The following EYS variants were observed in gnomAD, a reference collection of about 807,000 sequenced individuals.
The protein encoded by EYS is EGF-like photoreceptor maintenance factor, also known as protein eyes shut homolog.
Under a neutral mutation model 282.1 loss-of-function variants are expected in EYS, and 250 were observed. The observed-to-expected ratio is 0.89, with a 90% CI of 0.80 to 0.98. The LOEUF is 0.98. EYS is among the 50% of genes least tolerant of loss of function. The pLI is 0.00. For synonymous variants in EYS, 1,355 were observed against 1,282.9 expected, an observed-to-expected ratio of 1.06 and a Z score of -1.20; for missense variants, 4,016 against 3,709.0, an observed-to-expected ratio of 1.08 and a Z score of -2.15.
chr6:64,905,756 T>A (rs1271607344), intron 16 of EYS, among the ~76,000 whole-genome samples: 2 of 152,130 alleles, frequency 1.3e-5, no homozygotes, highest in Non-Finnish European at 1.5e-5. Context: ...AGTACAATAA[T>A]GAAATTTTCA....
At chr6:64,123,103 G>A (rs1002319639) in intron 31 of EYS, among the ~76,000 whole-genome samples, 1 of 152,162 alleles carries the variant, frequency 6.6e-6, no homozygotes, top group Non-Finnish European at 1.5e-5. Flanking sequence ...TTTTGAAGCT[G>A]AAGAGATATC....
At chr6:65,575,325 T>TATAAATAAATAAATAA (rs1764622628) in intron 2 of EYS, among the ~76,000 whole-genome samples, 2 of 32,072 alleles carry the variant, frequency 6.2e-5, no homozygotes, top group South Asian at 3.0e-3. Context: ...GGACTTCCTC[T>TATAAATAAATAAATAA]CTAAATAAAT....
chr6:64,779,799 A>C (rs1773802916), intron 22 of EYS, among the ~76,000 whole-genome samples: 1 of 152,174 alleles, frequency 6.6e-6, no homozygotes, highest in Non-Finnish European at 1.5e-5. Flanking sequence ...ACTGCTCAAA[A>C]ACATAAGAGC....
chr6:64,522,629 C>T (rs1777781187), intron 26 of EYS, among the ~76,000 whole-genome samples: 1 of 151,756 alleles, frequency 6.6e-6, no homozygotes, highest in Non-Finnish European at 1.5e-5. Context: ...GGGGGCAAGA[C>T]TGAGCAGGAG....
intron 7 of EYS, among the ~76,000 whole-genome samples, chr6:65,393,310 C>G (rs1315422857): frequency 6.6e-6 from 1 of 152,076 alleles, no homozygotes; most frequent in Non-Finnish European, 1.5e-5. Context: ...TACCCTAAAA[C>G]TTAAAATATA....
chr6:65,070,024 G>A (rs767431399), intron 12 of EYS, among the ~76,000 whole-genome samples: 17 of 151,836 alleles, frequency 1.1e-4, no homozygotes, highest in East Asian at 1.9e-4. Flanking sequence ...TGATACACAC[G>A]TCCTGTAATT....
chr6:64,263,987 T>C (rs1033438753), intron 30 of EYS, among the ~76,000 whole-genome samples: 1 of 152,160 alleles, frequency 6.6e-6, no homozygotes, highest in Non-Finnish European at 1.5e-5. Context: ...AAAGGCAGAT[T>C]TTATCCTTAT....
At chr6:64,226,061 T>C (rs1766244984) in intron 31 of EYS, among the ~76,000 whole-genome samples, 2 of 152,268 alleles carry the variant, frequency 1.3e-5, no homozygotes, top group Admixed American at 6.6e-5. Context: ...CCATCAGTTC[T>C]CTGGAAGAGA....
intron 2 of EYS, among the ~76,000 whole-genome samples, chr6:65,506,724 A>C (rs1170827727): frequency 6.6e-6 from 1 of 151,402 alleles, no homozygotes; most frequent in Non-Finnish European, 1.5e-5. Flanking sequence ...CTCTTACCTC[A>C]GCTTCACAAA....
At chr6:64,069,628 G>A (rs1186348120) in intron 32 of EYS, among the ~76,000 whole-genome samples, 1 of 152,040 alleles carries the variant, frequency 6.6e-6, no homozygotes, top group Non-Finnish European at 1.5e-5. Flanking sequence ...TACAAAGATT[G>A]ATATATGGAT....
intron 5 of EYS, among the ~76,000 whole-genome samples, chr6:65,434,237 G>A (rs1260807700): frequency 6.6e-6 from 1 of 151,876 alleles, no homozygotes; most frequent in Non-Finnish European, 1.5e-5. Context: ...ACCAAGTATT[G>A]TGACATAAAA....
At chr6:65,523,864 G>A (rs1767462381) in intron 2 of EYS, among the ~76,000 whole-genome samples, 1 of 152,048 alleles carries the variant, frequency 6.6e-6, no homozygotes, top group Non-Finnish European at 1.5e-5. Flanking sequence ...CAGCCAACGT[G>A]GAATAAAAGT....
intron 29 of EYS, among the ~76,000 whole-genome samples, chr6:64,355,196 G>A (rs1205249149): frequency 3.3e-5 from 5 of 151,474 alleles, no homozygotes; most frequent in Non-Finnish European, 3.0e-5. Context: ...ATAATTTCCC[G>A]ATTGTGTGTA....
At chr6:64,861,952 T>C (rs1212161540) in intron 19 of EYS, among the ~76,000 whole-genome samples, 1 of 152,220 alleles carries the variant, frequency 6.6e-6, no homozygotes, top group Admixed American at 6.5e-5. Flanking sequence ...TTTTCTTCTC[T>C]CCGAATAATT....
intron 2 of EYS, among the ~76,000 whole-genome samples, chr6:65,609,336 C>CAAA (rs34304600): frequency 0.22 from 32,086 of 142,702 alleles, 3,642 homozygotes; most frequent in South Asian, 0.34. Flanking sequence ...CCAAGATAGC[C>CAAA]AAAAAAAAAA....
intron 28 of EYS, among the ~76,000 whole-genome samples, chr6:64,397,217 A>G (rs1459702703): frequency 6.6e-6 from 1 of 152,030 alleles, no homozygotes; most frequent in Non-Finnish European, 1.5e-5. Flanking sequence ...TTCTTATATA[A>G]CAGTGGATTT....
At position 63,721,727 on chromosome 6, in the gene EYS, G is replaced by A. The variant is rs1445528035; in HGVS notation, c.8304C>T (p.Ile2768=). 2 of 1,550,628 alleles carry A rather than the reference G, an allele frequency of 1.3e-6. No homozygotes were observed. The highest frequency in any genetic ancestry group is 2.4e-5 in the South Asian group (2 of 84,042). ...TTACTTTTTGGAGAGTTTCTAGAAT[G>A]ATAGTTCTGTCGCCAAGGTTGTAGC... The part of the protein sequence containing the change: ...QLRYNLGDRT[I]ILETLQKVTI... Residue 2768 remains isoleucine, a synonymous_variant, in exon 43 of 43, where the codon ATC becomes ATT. Transcript: ENST00000503581.
intron 29 of EYS, among the ~76,000 whole-genome samples, chr6:64,350,189 C>T (rs1296839403): frequency 6.6e-6 from 1 of 151,108 alleles, no homozygotes; most frequent in Non-Finnish European, 1.5e-5. Context: ...TTCAGATCAT[C>T]GTATTACTTC....
At chr6:65,394,841 C>G (rs113599145) in intron 7 of EYS, among the ~76,000 whole-genome samples, 2 of 152,044 alleles carry the variant, frequency 1.3e-5, no homozygotes, top group Non-Finnish European at 2.9e-5. Flanking sequence ...CTCTCACAGC[C>G]CAATGTCTAC....
Sources: gnomAD v4.1 joint callset for allele counts (sites outside exome capture counted in the v4.1 genomes callset) on GRCh38, gnomAD v4.1.1 for gene constraint, MANE v1.5 for transcripts, NCBI Gene and HGNC (gene_info 2026-07-23, HGNC 2026-07-21) for gene names.